SORCS2: variants seen among roughly 807,000 people sequenced by gnomAD.
SORCS2 encodes VPS10 domain-containing receptor SorCS2.
A neutral mutation model predicts 141.6 loss-of-function variants in SORCS2; 100 were observed. That is an observed-to-expected ratio of 0.71 (90% confidence interval 0.60 to 0.83). The LOEUF (loss-of-function observed/expected upper bound fraction) is 0.83, where lower values mean the gene tolerates loss of function less well. Among genes scored for constraint, SORCS2 ranks in the 40% least tolerant of loss-of-function variants. SORCS2 has a pLI of 0.00. For synonymous variants in SORCS2, 789 were observed against 676.9 expected, an observed-to-expected ratio of 1.17 and a Z score of -2.57; for missense variants, 1,646 against 1,560.2, an observed-to-expected ratio of 1.05 and a Z score of -0.93.
At chr4:7,496,254 C>T (rs999618474) in intron 2 of SORCS2, among the ~76,000 whole-genome samples, 12 of 152,132 alleles carry the variant, frequency 7.9e-5, no homozygotes, top group Non-Finnish European at 1.5e-4. Context: ...GAACTTCTGT[C>T]CTCCCTGCTG....
At chr4:7,723,312 G>A (rs1353110321) in intron 18 of SORCS2, among the ~76,000 whole-genome samples, 3 of 152,062 alleles carry the variant, frequency 2.0e-5, no homozygotes, top group East Asian at 1.9e-4. Flanking sequence ...AACCCTCCTC[G>A]CAGTGGGAGG....
intron 1 of SORCS2, among the ~76,000 whole-genome samples, chr4:7,280,275 A>C (rs1715787183): frequency 6.6e-6 from 1 of 152,092 alleles, no homozygotes; most frequent in African/African-American, 2.4e-5. Flanking sequence ...CGGTAGGAAG[A>C]GGGGCACTGG....
At chr4:7,403,226 C>T (rs1284473573) in intron 2 of SORCS2, among the ~76,000 whole-genome samples, 3 of 152,180 alleles carry the variant, frequency 2.0e-5, no homozygotes, top group Non-Finnish European at 4.4e-5. Flanking sequence ...GTTACTTTGG[C>T]CAAGGCTTGG....
rs56114763 is a variant in SORCS2 at position 7,285,040 on chromosome 4, T to A, written c.480+91914T>A. On this transcript the variant is annotated intron_variant, in intron 1 of 26. Coordinates refer to ENST00000507866, the MANE Select transcript of SORCS2 (RefSeq NM_020777.3). ...CCATCCCATATATATATATATATTT[T>A]TTTTTTTTTGAGATGGAGTTTCACT... Among the ~76,000 whole-genome samples, 687 of 122,118 alleles carry A rather than the reference T, an allele frequency of 5.6e-3. 4 individuals are homozygous for A. Among genetic ancestry groups the A allele is most frequent in the African/African-American group, 0.017 (632 of 37,278 alleles). 80.1% of individuals were successfully genotyped at this position (122,118 alleles called of 152,430 possible).
At chr4:7,248,133 C>A (rs530332458) in intron 1 of SORCS2, among the ~76,000 whole-genome samples, 7 of 152,168 alleles carry the variant, frequency 4.6e-5, no homozygotes, top group African/African-American at 1.4e-4. Context: ...GCTTAGCCAC[C>A]GACTGTGTGT....
chr4:7,689,450 A>G, intron 10 of SORCS2, 36 bp from the exon 11 acceptor site: 7 of 1,551,968 alleles, frequency 4.5e-6, no homozygotes, highest in East Asian at 2.4e-5. Flanking sequence ...GCTCCTACTC[A>G]TGTGTTGACA....
chr4:7,475,905 C>G (rs1730262614), intron 2 of SORCS2, among the ~76,000 whole-genome samples: 1 of 152,212 alleles, frequency 6.6e-6, no homozygotes, highest in East Asian at 1.9e-4. Flanking sequence ...GGATCTGGTG[C>G]CACTGTCGTC....
chr4:7,210,644 C>A (rs1022333645), intron 1 of SORCS2, among the ~76,000 whole-genome samples: 2 of 152,196 alleles, frequency 1.3e-5, no homozygotes, highest in African/African-American at 2.4e-5. Context: ...TGGTGACAAT[C>A]CCAACTCTGC....
intron 8 of SORCS2, among the ~76,000 whole-genome samples, chr4:7,670,721 C>G (rs995941245): frequency 6.6e-6 from 1 of 152,184 alleles, no homozygotes; most frequent in African/African-American, 2.4e-5. Flanking sequence ...CAGCTCTTAG[C>G]CTGGTAGAGG....
chr4:7,289,037 AT>A (rs1716433904), intron 1 of SORCS2, among the ~76,000 whole-genome samples: 1 of 152,020 alleles, frequency 6.6e-6, no homozygotes. Context: ...TTGATCAATC[AT>A]CCCTCTCCCT....
chr4:7,563,819 C>T (rs1475642927), intron 3 of SORCS2, among the ~76,000 whole-genome samples: 1 of 152,182 alleles, frequency 6.6e-6, no homozygotes, highest in African/African-American at 2.4e-5. Context: ...GTGGTCTAGT[C>T]ATTCTTTTAA....
intron 1 of SORCS2, among the ~76,000 whole-genome samples, chr4:7,210,929 C>T (rs974501127): frequency 1.3e-5 from 2 of 152,296 alleles, no homozygotes; most frequent in Non-Finnish European, 2.9e-5. Flanking sequence ...GCTGCCAATA[C>T]CTCAGTGACC....
chr4:7,701,567 C>A (rs750270865), intron 12 of SORCS2, among the ~76,000 whole-genome samples: 2 of 152,208 alleles, frequency 1.3e-5, no homozygotes, highest in Non-Finnish European at 2.9e-5. Flanking sequence ...AGGATTTGGG[C>A]TTGACTGTAA....
At chr4:7,423,460 A>G (rs778031022) in intron 2 of SORCS2, among the ~76,000 whole-genome samples, 13 of 152,100 alleles carry the variant, frequency 8.5e-5, no homozygotes, top group Non-Finnish European at 1.6e-4. Flanking sequence ...TCTGTCACCC[A>G]GGCTGGAGTG....
chr4:7,422,882 G>C (rs1726175353), intron 2 of SORCS2, among the ~76,000 whole-genome samples: 1 of 152,178 alleles, frequency 6.6e-6, no homozygotes. Flanking sequence ...CACACCCGGA[G>C]GTCCATGCAG....
rs1357092875 is a variant in SORCS2 at position 7,677,609 on chromosome 4, C to CCCTGGGCAGGCTGGGAG, written c.1341+1380_1341+1381insCCTGGGCAGGCTGGGAG. Among the ~76,000 whole-genome samples the CCCTGGGCAGGCTGGGAG allele has an allele frequency of 7.6e-3, 1,153 of 152,288 alleles. 11 individuals are homozygous for CCCTGGGCAGGCTGGGAG. The highest frequency in any genetic ancestry group is 0.021 in the African/African-American group (855 of 41,554). On this transcript the variant is annotated intron_variant, in intron 9 of 26. Coordinates refer to ENST00000507866, the MANE Select transcript of SORCS2 (RefSeq NM_020777.3). The stretch of plus-strand genomic sequence containing the variant: ...GCTGGGAGAGTGTCCCGTGGGTGGC[C>CCCTGGGCAGGCTGGGAG]AGTAGACCCTGGGCAGGCAGTGGCA...
chr4:7,719,491 A>G (rs1726429588), intron 18 of SORCS2, among the ~76,000 whole-genome samples: 1 of 152,202 alleles, frequency 6.6e-6, no homozygotes, highest in Non-Finnish European at 1.5e-5. Flanking sequence ...CCTGGCCCCT[A>G]GACTCTACGT....
At chr4:7,546,669 C>T (rs1049960434) in intron 3 of SORCS2, among the ~76,000 whole-genome samples, 6 of 152,212 alleles carry the variant, frequency 3.9e-5, no homozygotes, top group Admixed American at 2.0e-4. Flanking sequence ...GCCCCTGCCT[C>T]CTCATGGGGA....
At chr4:7,610,500 C>T (rs1577836630) in intron 3 of SORCS2, among the ~76,000 whole-genome samples, 2 of 152,164 alleles carry the variant, frequency 1.3e-5, no homozygotes, top group South Asian at 2.1e-4. Context: ...GCAGAGTCAA[C>T]ACCGGGCCGG....
Sources: gnomAD v4.1 joint callset for allele counts (sites outside exome capture counted in the v4.1 genomes callset) on GRCh38, gnomAD v4.1.1 for gene constraint, MANE v1.5 for transcripts, NCBI Gene and HGNC (gene_info 2026-07-23, HGNC 2026-07-21) for gene names.